Variants in DZIP3 observed in about 807,000 individuals in gnomAD.
The protein encoded by DZIP3 is E3 ubiquitin-protein ligase DZIP3.
Under a neutral mutation model 162.0 loss-of-function variants are expected in DZIP3, and 118 were observed. The ratio of observed to expected loss-of-function variants is 0.73; its 90% CI spans 0.63 to 0.85. DZIP3 has a LOEUF of 0.85. Among genes scored for constraint, DZIP3 ranks in the 40% least tolerant of loss-of-function variants. DZIP3 has a pLI of 0.00. For missense variants in DZIP3, 1,331 were observed against 1,407.0 expected (o/e 0.95, Z 0.86); for synonymous variants, 438 against 458.6 (o/e 0.96, Z 0.57).
At position 108,686,480 on chromosome 3, in the gene DZIP3, G is replaced by A. The variant is rs769975211; in HGVS notation, c.3045G>A (p.Val1015=). ...TAGCCTGGGCTCTGCCAGCGCCTGT[G>A]GGAGACGCTGTGCCTCCCAGTGCAG... ...TGIAWALPAP[V]GDAVPPSAGL... is the part of the protein sequence containing the mutation. The change falls in exon 28 of 33, where the codon GTG becomes GTA. Residue 1015 remains valine (V), a synonymous_variant. Transcript: ENST00000361582. 11 of 1,610,912 alleles carry A rather than the reference G, an allele frequency of 6.8e-6. No homozygotes were observed. The East Asian group carries it at 2.5e-4, about 36-fold the overall frequency.
rs1942158562 is a variant in DZIP3 at position 108,636,601 on chromosome 3, T to A, written c.919-15T>A. 16 of 1,491,734 alleles carry A rather than the reference T, an allele frequency of 1.1e-5. No homozygotes were observed. Among genetic ancestry groups the A allele is most frequent in the Non-Finnish European group, 1.4e-5 (16 of 1,110,378 alleles). The allele number at this position is 1,491,734 out of a possible 1,614,324, so 92.4% of individuals were successfully genotyped here. ...ATTTTTTTCTATTTTTATTTTTTTC[T>A]ATTAATAAATTTAGAGTTTTAGTGG... On this transcript the variant is annotated splice_polypyrimidine_tract_variant and intron_variant, in intron 10 of 32. Coordinates refer to ENST00000361582, the MANE Select transcript of DZIP3 (RefSeq NM_014648.4).
intron 3 of DZIP3, among the ~76,000 whole-genome samples, chr3:108,609,852 C>G (rs1940599678): frequency 6.6e-6 from 1 of 152,092 alleles, no homozygotes; most frequent in South Asian, 2.1e-4. Context: ...ATGACACTTA[C>G]AATATTTCCT....
At chr3:108,635,603 ATATATAAC>A (rs1942107636) in intron 10 of DZIP3, among the ~76,000 whole-genome samples, 1 of 138,750 alleles carries the variant, frequency 7.2e-6, no homozygotes, top group Admixed American at 7.7e-5. Flanking sequence ...CTACATAATT[ATATATAAC>A]TATATAACTT....
intron 22 of DZIP3, among the ~76,000 whole-genome samples, chr3:108,670,613 T>C (rs1446060881): frequency 1.3e-5 from 2 of 151,982 alleles, no homozygotes; most frequent in Non-Finnish European, 2.9e-5. Context: ...TTTGTGGACA[T>C]GTTTTTGTAT....
intron 12 of DZIP3, among the ~76,000 whole-genome samples, chr3:108,639,502 G>A (rs967161590): frequency 2.6e-5 from 4 of 152,192 alleles, no homozygotes; most frequent in African/African-American, 9.7e-5. Flanking sequence ...TTCAGTCAGA[G>A]ACGTTGTGGG....
intron 1 of DZIP3, among the ~76,000 whole-genome samples, chr3:108,604,720 A>G (rs1180795027): frequency 6.6e-6 from 1 of 152,204 alleles, no homozygotes; most frequent in Non-Finnish European, 1.5e-5. Flanking sequence ...TGTTATTTGT[A>G]GACTAAAAGA....
rs1944018929 is a variant in DZIP3 at position 108,674,172 on chromosome 3, T to C, written c.2684T>C (p.Met895Thr). 6.2e-7 allele frequency: 1 copy of C among 1,612,132 alleles called. No homozygotes were observed. The highest frequency in any genetic ancestry group is 1.1e-5 in the South Asian group (1 of 90,998). ...CLNQLARVTH[M>T]AASNLESLQL... Reference sequence around the variant, plus strand: ...AATCAGCTTGCCAGGGTGACTCACATGGCAGCAAGGTAACCTTTCCCTCTT... The same window carrying C: ...AATCAGCTTGCCAGGGTGACTCACACGGCAGCAAGGTAACCTTTCCCTCTT... The change falls in exon 24 of 33, where the codon ATG (methionine) becomes ACG (threonine). Residue 895 changes from methionine to threonine, a missense_variant. Physicochemically the swap from Met to Thr is moderately conservative, Grantham distance 81. Around this residue, in one of 2 missense-constraint regions of DZIP3, gnomAD observed 1,278 missense variants for 1,317.1 expected, o/e 0.97. Coordinates refer to ENST00000361582, the MANE Select transcript of DZIP3 (RefSeq NM_014648.4).
intron 1 of DZIP3, among the ~76,000 whole-genome samples, chr3:108,592,259 G>A (rs535330854): frequency 6.6e-6 from 1 of 152,284 alleles, no homozygotes; most frequent in South Asian, 2.1e-4. Context: ...AATTCGAGAA[G>A]TATATATGAA....
chr3:108,590,804 T>C (rs976543914), intron 1 of DZIP3, among the ~76,000 whole-genome samples: 15 of 152,206 alleles, frequency 9.9e-5, no homozygotes, highest in African/African-American at 3.6e-4. Flanking sequence ...GAATCTTCAT[T>C]AGGTAAAATC....
intron 31 of DZIP3, among the ~76,000 whole-genome samples, chr3:108,690,197 G>T (rs915297107): frequency 6.6e-6 from 1 of 152,098 alleles, no homozygotes; most frequent in Non-Finnish European, 1.5e-5. Context: ...TATATATAGT[G>T]CTTATTATTA....
At chr3:108,620,232 A>G (rs557125691) in intron 5 of DZIP3, among the ~76,000 whole-genome samples, 1 of 152,318 alleles carries the variant, frequency 6.6e-6, no homozygotes, top group East Asian at 1.9e-4. Flanking sequence ...TAAGAGACTC[A>G]GTGATCAATA....
intron 1 of DZIP3, among the ~76,000 whole-genome samples, chr3:108,604,873 G>A (rs1940245067): frequency 6.6e-6 from 1 of 152,170 alleles, no homozygotes; most frequent in South Asian, 2.1e-4. Flanking sequence ...TTTTGAGAAT[G>A]TATTGTAAAG....
Position 108,616,562 on chromosome 3 carries a change from C to T in DZIP3, c.280C>T (p.Gln94Ter). The change falls in exon 5 of 33, where the codon CAG becomes TAG. Residue 94 changes from glutamine to a stop codon, truncating the protein, a stop_gained. Transcript: ENST00000361582. LOFTEE classifies it high-confidence loss of function. ...TMQREVAANS[Q>*]NGEEIVPALT... ...ACAGAGAGAAGTTGCAGCTAACAGC[C>T]AGAATGGTGAGGAAATTGTTCCTGC... 2.5e-6 allele frequency: 4 copies of T among 1,607,594 alleles called. No individual in the cohort carries two copies. The highest frequency in any genetic ancestry group is 3.4e-6 in the Non-Finnish European group (4 of 1,177,180).
At chr3:108,660,473 G>A (rs77649700) in intron 19 of DZIP3, among the ~76,000 whole-genome samples, 2 of 152,100 alleles carry the variant, frequency 1.3e-5, no homozygotes, top group East Asian at 1.9e-4. Context: ...CTTACACCTT[G>A]TACAAAAACC....
chr3:108,629,868 G>A (rs572654795), intron 8 of DZIP3, among the ~76,000 whole-genome samples: 3 of 151,496 alleles, frequency 2.0e-5, no homozygotes, highest in South Asian at 4.2e-4. Context: ...TATACAATGC[G>A]ATTTTGGCAT....
At chr3:108,660,056 A>G (rs1040319343) in intron 19 of DZIP3, among the ~76,000 whole-genome samples, 7 of 152,246 alleles carry the variant, frequency 4.6e-5, no homozygotes, top group African/African-American at 1.7e-4. Context: ...GAAAATGGCC[A>G]TACTGCCCAA....
chr3:108,610,356 C>A (rs1384783818), intron 3 of DZIP3, among the ~76,000 whole-genome samples: 2 of 152,138 alleles, frequency 1.3e-5, no homozygotes, highest in Non-Finnish European at 2.9e-5. Flanking sequence ...TTCCTTGTGG[C>A]AATGACCTAG....
At position 108,633,102 on chromosome 3, in the gene DZIP3, T is replaced by A. The variant is rs762255286; in HGVS notation, c.816+30T>A. 1.3e-5 allele frequency: 16 copies of A among 1,241,004 alleles called. No homozygotes were observed. In the South Asian group the frequency reaches 3.1e-4, roughly 24 times the overall value. The allele number at this position is 1,241,004 out of a possible 1,614,324, so 76.9% of individuals were successfully genotyped here. ...TGTAATTGTCAATTAACAGTATTTT[T>A]AAAAAGTAATTGAAAAATTATATAT... On this transcript the variant is annotated intron_variant, in intron 9 of 32. Transcript: ENST00000361582.
At chr3:108,599,726 A>G (rs1939899569) in intron 1 of DZIP3, among the ~76,000 whole-genome samples, 1 of 152,124 alleles carries the variant, frequency 6.6e-6, no homozygotes, top group African/African-American at 2.4e-5. Context: ...ATGAAGGTGG[A>G]GCCTTCATGA....
Sources: gnomAD v4.1 joint callset for allele counts (sites outside exome capture counted in the v4.1 genomes callset) on GRCh38, gnomAD v4.1.1 for gene constraint, gnomAD v4.1.1 regional missense constraint, MANE v1.5 for transcripts, NCBI Gene and HGNC (gene_info 2026-07-23, HGNC 2026-07-21) for gene names.